ELOVL5: variants seen among roughly 807,000 people sequenced by gnomAD.
The protein encoded by ELOVL5 is ELOVL fatty acid elongase 5, also known as very long chain fatty acid elongase 5.
In ELOVL5, 8 loss-of-function variants were observed where a neutral mutation model predicts 38.6. The ratio of observed to expected loss-of-function variants is 0.21; its 90% CI spans 0.12 to 0.37. The LOEUF is 0.37. Ranked by LOEUF, ELOVL5 falls within the 10% of genes least tolerant of loss-of-function variation. The pLI is 1.00. For missense variants in ELOVL5, 280 were observed against 367.8 expected, an observed-to-expected ratio of 0.76 and a Z score of 1.95; for synonymous variants, 127 against 133.7, an observed-to-expected ratio of 0.95 and a Z score of 0.34.
At chr6:53,316,022 A>G (rs1476274387) in intron 1 of ELOVL5, among the ~76,000 whole-genome samples, 1 of 152,226 alleles carries the variant, frequency 6.6e-6, no homozygotes, top group Non-Finnish European at 1.5e-5. Context: ...CAACTCATAA[A>G]CATGGGGACA....
chr6:53,287,846 A>T, intron 3 of ELOVL5: 1 of 1,534,546 alleles, frequency 6.5e-7, no homozygotes. Context: ...AGCCATGTGC[A>T]CTGCACAACA....
At chr6:53,337,752 CAG>C (rs1467479139) in intron 1 of ELOVL5, among the ~76,000 whole-genome samples, 1 of 152,148 alleles carries the variant, frequency 6.6e-6, no homozygotes, top group Non-Finnish European at 1.5e-5. Context: ...ATCAAGAAAA[CAG>C]AGGCAAGGAG....
chr6:53,338,942 A>T (rs530447572), intron 1 of ELOVL5, among the ~76,000 whole-genome samples: 1 of 152,384 alleles, frequency 6.6e-6, no homozygotes, highest in South Asian at 2.1e-4. Flanking sequence ...AAGATTAGTT[A>T]TGCAACCCCC....
chr6:53,275,849 GA>G (rs1370641001), intron 4 of ELOVL5, among the ~76,000 whole-genome samples: 2 of 152,030 alleles, frequency 1.3e-5, no homozygotes, highest in African/African-American at 4.8e-5. Context: ...CCACTACTCG[GA>G]AAAAAGTACT....
intron 1 of ELOVL5, among the ~76,000 whole-genome samples, chr6:53,307,325 A>G (rs1279484600): frequency 1.4e-4 from 22 of 152,208 alleles, no homozygotes; most frequent in Admixed American, 1.4e-3. Context: ...ACCACTTACT[A>G]GCTGTGTAAC....
At chr6:53,284,108 C>T (rs1005227743) in intron 3 of ELOVL5, among the ~76,000 whole-genome samples, 2 of 151,742 alleles carry the variant, frequency 1.3e-5, no homozygotes, top group African/African-American at 4.8e-5. Context: ...GAATTTGAGA[C>T]CAGCTTGGGC....
chr6:53,336,571 G>A (rs1023271711), intron 1 of ELOVL5, among the ~76,000 whole-genome samples: 1 of 152,212 alleles, frequency 6.6e-6, no homozygotes, highest in Admixed American at 6.5e-5. Context: ...TGAAGTAGGA[G>A]GGACACCTGG....
At chr6:53,303,759 T>G (rs1767364700) in intron 1 of ELOVL5, among the ~76,000 whole-genome samples, 3 of 152,212 alleles carry the variant, frequency 2.0e-5, no homozygotes, top group Admixed American at 2.0e-4. Context: ...AGCCTCCACT[T>G]CCTGCTCCTT....
intron 1 of ELOVL5, among the ~76,000 whole-genome samples, chr6:53,323,576 CTTTTTTTTTTT>C (rs3063792): frequency 2.5e-5 from 2 of 81,544 alleles, no homozygotes; most frequent in East Asian, 4.4e-4. Flanking sequence ...TACTAGCCAG[CTTTTTTTTTTT>C]TTTTTTTTTT....
chr6:53,330,109 C>G (rs1265385196), intron 1 of ELOVL5, among the ~76,000 whole-genome samples: 4 of 152,128 alleles, frequency 2.6e-5, no homozygotes, highest in South Asian at 2.1e-4. Flanking sequence ...TTACACAAAC[C>G]TAGATGTATG....
intron 2 of ELOVL5, chr6:53,294,314 A>G (rs1190579882): frequency 1.1e-5 from 18 of 1,573,452 alleles, no homozygotes; most frequent in Non-Finnish European, 1.5e-5. Context: ...AATTGTGGCC[A>G]GTGAGTTTTG....
intron 1 of ELOVL5, among the ~76,000 whole-genome samples, chr6:53,315,832 T>G (rs1269909188): frequency 6.6e-6 from 1 of 152,244 alleles, no homozygotes; most frequent in Non-Finnish European, 1.5e-5. Flanking sequence ...AATACTTTAC[T>G]TAACTCATAA....
chr6:53,288,322 T>C (rs1173814050), intron 3 of ELOVL5, among the ~76,000 whole-genome samples: 3 of 152,204 alleles, frequency 2.0e-5, no homozygotes, highest in Admixed American at 1.3e-4. Context: ...ATTTTTAAGT[T>C]TGCTGTAAGG....
At chr6:53,312,072 A>C (rs1767860749) in intron 1 of ELOVL5, among the ~76,000 whole-genome samples, 1 of 152,212 alleles carries the variant, frequency 6.6e-6, no homozygotes, top group Non-Finnish European at 1.5e-5. Context: ...TTAGCCTTCA[A>C]GTATCCATCT....
chr6:53,270,833 T>G, intron 6 of ELOVL5, 106 bp from the exon 7 acceptor site: 1 of 1,308,376 alleles, frequency 7.6e-7, no homozygotes, highest in Non-Finnish European at 1.1e-6. Flanking sequence ...AATTAACACT[T>G]ACTACCCTTG....
intron 1 of ELOVL5, 95 bp from the exon 2 acceptor site, chr6:53,295,802 T>C (rs1766972617): frequency 6.5e-6 from 5 of 771,748 alleles, no homozygotes; most frequent in East Asian, 3.0e-5. Flanking sequence ...TCAAAGAATA[T>C]GCTACAGACA....
At chr6:53,333,519 C>G (rs1222132984) in intron 1 of ELOVL5, among the ~76,000 whole-genome samples, 1 of 152,138 alleles carries the variant, frequency 6.6e-6, no homozygotes, top group Admixed American at 6.5e-5. Flanking sequence ...TGTTTTAAAT[C>G]GTGCTGCACT....
Position 53,276,270 on chromosome 6 carries a change from A to G in ELOVL5, c.247-14T>C, listed in dbSNP as rs1211395114. 8.2e-5 allele frequency: 129 copies of G among 1,571,532 alleles called. No individual in the cohort carries two copies. Among genetic ancestry groups the G allele is most frequent in the Non-Finnish European group, 1.1e-4 (124 of 1,141,648 alleles). On this transcript the variant is annotated splice_polypyrimidine_tract_variant and intron_variant, in intron 3 of 7. Coordinates refer to ENST00000304434, the MANE Select transcript of ELOVL5 (RefSeq NM_021814.5). Reference sequence around the variant, plus strand: ...TCCTGTTACTAACTAAAAAAGAAGAAAGAGCCAGTCACCAACAGCATCTGA... The same window carrying G: ...TCCTGTTACTAACTAAAAAAGAAGAGAGAGCCAGTCACCAACAGCATCTGA...
chr6:53,275,419 G>A (rs1432973796), intron 4 of ELOVL5, among the ~76,000 whole-genome samples, 158 bp from the exon 5 acceptor site: 3 of 152,158 alleles, frequency 2.0e-5, no homozygotes, highest in Non-Finnish European at 4.4e-5. Context: ...GGGAGCTATG[G>A]TCACTCTCCA....
Sources: gnomAD v4.1 joint callset for allele counts (sites outside exome capture counted in the v4.1 genomes callset) on GRCh38, gnomAD v4.1.1 for gene constraint, MANE v1.5 for transcripts, NCBI Gene and HGNC (gene_info 2026-07-23, HGNC 2026-07-21) for gene names.